MYCBP2: variants seen among roughly 807,000 people sequenced by gnomAD.
MYCBP2 encodes MYC binding protein 2.
A neutral mutation model predicts 525.3 loss-of-function variants in MYCBP2; 120 were observed. The observed-to-expected ratio is 0.23, with a 90% CI of 0.20 to 0.27. The LOEUF (loss-of-function observed/expected upper bound fraction) is 0.27, where lower values mean the gene tolerates loss of function less well. MYCBP2 is among the 10% of genes least tolerant of loss of function. MYCBP2 has a pLI of 1.00. For missense variants in MYCBP2, 4,149 were observed against 5,657.1 expected, an observed-to-expected ratio of 0.73 and a Z score of 8.55; for synonymous variants, 1,894 against 1,955.8, an observed-to-expected ratio of 0.97 and a Z score of 0.83.
chr13:77,060,055 G>A (rs1323576985), intron 76 of MYCBP2, among the ~76,000 whole-genome samples: 2 of 152,236 alleles, frequency 1.3e-5, no homozygotes, highest in East Asian at 1.9e-4. Flanking sequence ...CCTATCATCA[G>A]AGTATGAAAC....
rs545864880 is a variant in MYCBP2, at chr13:77,179,595, C to T, written c.5133+532G>A. Reference sequence around the variant, plus strand: ...GCATTTAATGCCACTGAACTGTACACGTAAAAATGATTAGAATGGCAAATT... The same window carrying T: ...GCATTTAATGCCACTGAACTGTACATGTAAAAATGATTAGAATGGCAAATT... On this transcript the variant is annotated intron_variant, in intron 34 of 82. Coordinates refer to ENST00000544440, the MANE Select transcript of MYCBP2 (RefSeq NM_015057.5). Among the ~76,000 whole-genome samples the T allele has an allele frequency of 2.9e-4, 44 of 152,184 alleles. No individual in the cohort carries two copies. The South Asian group carries it at 2.9e-3, about 10-fold the overall frequency.
At chr13:77,096,516 C>A in intron 56 of MYCBP2, 35 bp from the exon 57 acceptor site, 1 of 1,607,112 alleles carries the variant, frequency 6.2e-7, no homozygotes, top group South Asian at 1.1e-5. Context: ...ATTTAACACT[C>A]CAAGTGTCCT....
At chr13:77,145,457 T>TA (rs2154188455) in intron 48 of MYCBP2, among the ~76,000 whole-genome samples, 1 of 152,312 alleles carries the variant, frequency 6.6e-6, no homozygotes, top group Admixed American at 6.5e-5. Flanking sequence ...TTTTTCTACC[T>TA]ATGCCATCTA....
chr13:77,144,288 T>C, intron 49 of MYCBP2, 157 bp downstream of exon 49: 1 of 600,976 alleles, frequency 1.7e-6, no homozygotes, highest in Non-Finnish European at 2.9e-6. Context: ...AATGCACTAA[T>C]TAAATACTCA....
chr13:77,216,309 A>G (rs931600247), intron 21 of MYCBP2, among the ~76,000 whole-genome samples: 1 of 152,216 alleles, frequency 6.6e-6, no homozygotes, highest in Non-Finnish European at 1.5e-5. Context: ...GTAAAAGGCC[A>G]AGTGCCTACT....
intron 61 of MYCBP2, among the ~76,000 whole-genome samples, chr13:77,088,598 T>C (rs1045156552): frequency 1.3e-5 from 2 of 152,098 alleles, no homozygotes; most frequent in Non-Finnish European, 2.9e-5. Flanking sequence ...AAGATTCAAA[T>C]AGTAAAGCAA....
chr13:77,289,234 T>C (rs920564620), intron 2 of MYCBP2, among the ~76,000 whole-genome samples: 9 of 151,798 alleles, frequency 5.9e-5, no homozygotes, highest in Non-Finnish European at 8.8e-5. Context: ...AAGAAATACA[T>C]CAAAAAGTTA....
intron 73 of MYCBP2, 142 bp downstream of exon 73, chr13:77,064,473 T>C: frequency 2.1e-6 from 2 of 940,026 alleles, no homozygotes; most frequent in South Asian, 3.7e-5. Context: ...AAGCCCTTTA[T>C]ACTTTTTCAA....
At chr13:77,316,559 T>G (rs929707098) in intron 1 of MYCBP2, among the ~76,000 whole-genome samples, 1 of 152,238 alleles carries the variant, frequency 6.6e-6, no homozygotes, top group African/African-American at 2.4e-5. Context: ...TAGGATTCAC[T>G]TGCTTCAAAT....
intron 2 of MYCBP2, among the ~76,000 whole-genome samples, chr13:77,289,513 GA>G (rs984966355): frequency 2.2e-3 from 322 of 143,492 alleles, no homozygotes; most frequent in African/African-American, 6.3e-3. Context: ...ATTCATGATA[GA>G]AAAAAAAAAA....
chr13:77,054,905 T>C (rs1208853095), intron 80 of MYCBP2, among the ~76,000 whole-genome samples: 1 of 151,950 alleles, frequency 6.6e-6, no homozygotes, highest in Non-Finnish European at 1.5e-5. Context: ...CCGGCCAAGA[T>C]TGATGAATAT....
intron 17 of MYCBP2, among the ~76,000 whole-genome samples, chr13:77,237,352 T>C (rs2068070158): frequency 6.6e-6 from 1 of 152,164 alleles, no homozygotes; most frequent in African/African-American, 2.4e-5. Flanking sequence ...CACATATGTG[T>C]AAGTCTCTGT....
chr13:77,181,250 T>C (rs549066711), intron 33 of MYCBP2, among the ~76,000 whole-genome samples: 1 of 152,298 alleles, frequency 6.6e-6, no homozygotes, highest in East Asian at 1.9e-4. Context: ...TATGTGAATG[T>C]TTCCTATACC....
At chr13:77,321,869 T>A (rs2081679504) in intron 1 of MYCBP2, among the ~76,000 whole-genome samples, 1 of 152,196 alleles carries the variant, frequency 6.6e-6, no homozygotes, top group Non-Finnish European at 1.5e-5. Context: ...CAAGTAATAA[T>A]CCCTGAGCAA....
At chr13:77,051,746 T>C (rs899457594) in intron 81 of MYCBP2, 65 bp downstream of exon 81, 4 of 1,197,490 alleles carry the variant, frequency 3.3e-6, no homozygotes, top group South Asian at 1.4e-5. Flanking sequence ...CACCATATTA[T>C]TGTTTAAAAA....
At chr13:77,237,172 T>C (rs988526193) in intron 17 of MYCBP2, among the ~76,000 whole-genome samples, 2 of 152,204 alleles carry the variant, frequency 1.3e-5, no homozygotes, top group African/African-American at 4.8e-5. Context: ...AATGGTTATA[T>C]AAACTATGGT....
chr13:77,275,930 G>A (rs2075507442), intron 4 of MYCBP2, among the ~76,000 whole-genome samples: 1 of 152,206 alleles, frequency 6.6e-6, no homozygotes, highest in Admixed American at 6.5e-5. Context: ...GTTGCAGTGA[G>A]CCAAGATCGC....
intron 3 of MYCBP2, among the ~76,000 whole-genome samples, chr13:77,285,232 T>C (rs1219958208): frequency 6.6e-6 from 1 of 152,180 alleles, no homozygotes; most frequent in Admixed American, 6.5e-5. Flanking sequence ...TGTAAAAAAT[T>C]TACCCAGGCT....
intron 13 of MYCBP2, among the ~76,000 whole-genome samples, chr13:77,260,193 C>A (rs2073024356): frequency 6.6e-6 from 1 of 152,182 alleles, no homozygotes; most frequent in Non-Finnish European, 1.5e-5. Context: ...GTCACAGCTA[C>A]AGCGAAGCTT....
Sources: allele counts gnomAD v4.1 joint callset (sites outside exome capture counted in the v4.1 genomes callset), GRCh38; gene constraint gnomAD v4.1.1; transcripts MANE v1.5; gene names NCBI Gene and HGNC (gene_info 2026-07-23, HGNC 2026-07-21).